Variants in UBXN2B observed in about 807,000 individuals in gnomAD.
UBXN2B encodes UBX domain protein 2B, also known as UBX domain-containing protein 2B.
A neutral mutation model predicts 37.5 loss-of-function variants in UBXN2B; 19 were observed. The observed-to-expected ratio is 0.51, with a 90% CI of 0.35 to 0.74. The LOEUF is 0.74. Ranked by LOEUF, UBXN2B falls within the 30% of genes least tolerant of loss-of-function variation. UBXN2B has a pLI of 0.01. For synonymous variants in UBXN2B, 145 were observed against 143.8 expected, an observed-to-expected ratio of 1.01 and a Z score of -0.06; for missense variants, 370 against 393.2, an observed-to-expected ratio of 0.94 and a Z score of 0.50.
rs558923134 is a variant in UBXN2B at position 58,426,347 on chromosome 8, C to G, written c.189-4172C>G. On this transcript the variant is annotated intron_variant, in intron 2 of 7. Transcript: ENST00000399598. ...TCAGCCTCCTGAGTAGCTGGGACTA[C>G]AGGTGCCTGCCACCATGCCCGGCTA... 2.4e-4 allele frequency among the ~76,000 whole-genome samples: 37 copies of G among 152,030 alleles called. 1 individual carries two copies. In the South Asian group the frequency reaches 7.3e-3, roughly 30 times the overall value.
chr8:58,447,660 A>G lies in UBXN2B; in HGVS notation c.*109A>G. On this transcript the variant is annotated 3_prime_UTR_variant, in exon 8 of 8. Coordinates refer to ENST00000399598, the MANE Select transcript of UBXN2B (RefSeq NM_001077619.2). ...CAAATTATTTTTATTATTTTTACAG[A>G]TAAATTTTGGTTTTATTGTTATTCT... 1 of 1,160,304 alleles carries G rather than the reference A, an allele frequency of 8.6e-7. No individual in the cohort carries two copies. Among genetic ancestry groups the G allele is most frequent in the Non-Finnish European group, 1.1e-6 (1 of 885,382 alleles). 71.9% of individuals were successfully genotyped at this position (1,160,304 alleles called of 1,614,324 possible). A position where few individuals can be genotyped will look rare whatever the true frequency, so the allele number is the denominator to read the frequency against.
chr8:58,426,179 C>G, intron 2 of UBXN2B: 1 of 670,922 alleles, frequency 1.5e-6, no homozygotes. Context: ...ACACAGATCA[C>G]AGTAATCACC....
chr8:58,430,016 G>T (rs1808203024), intron 2 of UBXN2B, among the ~76,000 whole-genome samples: 1 of 152,116 alleles, frequency 6.6e-6, no homozygotes, highest in Non-Finnish European at 1.5e-5. Flanking sequence ...TAAGGGAGTA[G>T]GTCTCTTAAA....
chr8:58,432,432 G>GAGTGC (rs1808307972), intron 3 of UBXN2B, among the ~76,000 whole-genome samples: 1 of 130,772 alleles, frequency 7.6e-6, no homozygotes, highest in Non-Finnish European at 1.5e-5. Context: ...GCCCAGGCTG[G>GAGTGC]AGTGCAGTGG....
chr8:58,434,443 G>A lies in UBXN2B; in HGVS notation c.472G>A (p.Gly158Arg). Residue 158 changes from glycine to arginine, a missense_variant, in exon 5 of 8, where the codon GGA becomes AGA. This residue lies in a region of UBXN2B where 90 missense variants were observed against 139.4 expected (regional missense o/e 0.65). Transcript: ENST00000399598. ...LWSNGFSLDD[G>R]ELRPYNEPTN... ...GAGCAATGGTTTCAGTTTAGATGAT[G>A]GAGAATTGAGACCTTACAATGAACC... 2 of 1,548,666 alleles carry A rather than the reference G, an allele frequency of 1.3e-6. No individual in the cohort carries two copies. Among genetic ancestry groups the A allele is most frequent in the South Asian group, 1.3e-5 (1 of 79,150 alleles).
At chr8:58,411,513 G>A in intron 1 of UBXN2B, 44 bp downstream of exon 1, 1 of 1,238,988 alleles carries the variant, frequency 8.1e-7, no homozygotes, top group Non-Finnish European at 1.0e-6. Flanking sequence ...GTGGACGCGG[G>A]CTGGTGACGG....
rs1214062565 is a variant in UBXN2B, at chr8:58,450,380, G to A, written c.*2829G>A. On this transcript the variant is annotated 3_prime_UTR_variant, in exon 8 of 8. Coordinates refer to ENST00000399598, the MANE Select transcript of UBXN2B (RefSeq NM_001077619.2). ...TTAAAAGTTCTGCTTTACACATAAC[G>A]GCAGGACACAACTCAGCTTAGCTTT... The A allele has an allele frequency of 6.6e-6, 1 of 152,082 alleles. No homozygotes were observed. The highest frequency in any genetic ancestry group is 1.5e-5 in the Non-Finnish European group (1 of 68,034). The allele number at this position is 152,082 out of a possible 1,614,324, so 9.4% of individuals were successfully genotyped here.
chr8:58,444,607 T>G (rs1693267845), intron 6 of UBXN2B, among the ~76,000 whole-genome samples: 1 of 152,228 alleles, frequency 6.6e-6, no homozygotes, highest in Admixed American at 6.5e-5. Context: ...CAGTGTCTCA[T>G]GTCTTTTCTC....
intron 2 of UBXN2B, among the ~76,000 whole-genome samples, chr8:58,419,089 C>T (rs1375085298): frequency 6.6e-6 from 1 of 152,146 alleles, no homozygotes; most frequent in Non-Finnish European, 1.5e-5. Context: ...TTTTGTGCCT[C>T]ACATTTGATT....
intron 2 of UBXN2B, chr8:58,425,881 G>T: frequency 8.6e-7 from 1 of 1,167,872 alleles, no homozygotes; most frequent in Non-Finnish European, 1.3e-6. Context: ...TAGACTTGCC[G>T]TTATTGTTCT....
chr8:58,433,100 A>G (rs967614455), intron 3 of UBXN2B, 60 bp from the exon 4 acceptor site: 11 of 1,356,882 alleles, frequency 8.1e-6, no homozygotes, highest in Admixed American at 3.6e-5. Flanking sequence ...TACATATCAC[A>G]TAATAACTTT....
At chr8:58,435,648 T>A (rs1808394397) in intron 5 of UBXN2B, among the ~76,000 whole-genome samples, 1 of 152,174 alleles carries the variant, frequency 6.6e-6, no homozygotes, top group Non-Finnish European at 1.5e-5. Context: ...AAGAACATAT[T>A]GAGAATGAAT....
chr8:58,446,465 C>T (rs949716310), intron 7 of UBXN2B, among the ~76,000 whole-genome samples: 11 of 152,096 alleles, frequency 7.2e-5, no homozygotes, highest in African/African-American at 1.9e-4. Context: ...ATAGCAAATA[C>T]TTCATAATAT....
chr8:58,439,537 T>C (rs1374569899), intron 5 of UBXN2B, 96 bp from the exon 6 acceptor site: 5 of 1,432,418 alleles, frequency 3.5e-6, no homozygotes, highest in Admixed American at 5.2e-5. Flanking sequence ...AAATTCTGTT[T>C]TCCAGTGTAG....
chr8:58,434,363 A>T lies in UBXN2B; in HGVS notation c.424-32A>T, dbSNP rs759448831. On this transcript the variant is annotated intron_variant, in intron 4 of 7. Coordinates refer to ENST00000399598, the MANE Select transcript of UBXN2B (RefSeq NM_001077619.2). The stretch of plus-strand genomic sequence containing the variant: ...TGTATATGTGAATATATATATATAT[A>T]TATATATTTTTTTTTTTTCTATACC... The T allele has an allele frequency of 1.0e-4, 59 of 584,516 alleles. 1 individual carries two copies. In the African/African-American group the frequency reaches 1.7e-3, roughly 17 times the overall value. 36.2% of individuals were successfully genotyped at this position (584,516 alleles called of 1,614,324 possible). A position where few individuals can be genotyped will look rare whatever the true frequency, so the allele number is the denominator to read the frequency against.
Position 58,432,487 on chromosome 8 carries a change from A to G in UBXN2B, c.340-673A>G, listed in dbSNP as rs768928409. 4.0e-4 allele frequency among the ~76,000 whole-genome samples: 56 copies of G among 139,834 alleles called. 1 individual carries two copies. The highest frequency in any genetic ancestry group is 7.1e-4 in the African/African-American group (26 of 36,860). 91.7% of individuals were successfully genotyped at this position (139,834 alleles called of 152,430 possible). A position where few individuals can be genotyped will look rare whatever the true frequency, so the allele number is the denominator to read the frequency against. On this transcript the variant is annotated intron_variant, in intron 3 of 7. Transcript: ENST00000399598. ...AAGCTCCGCCTCCCGGGTTCACACCATTCTCCTGCCTCAGCCTCCAGAGTA... is the reference window on the plus strand; with the variant it reads ...AAGCTCCGCCTCCCGGGTTCACACCGTTCTCCTGCCTCAGCCTCCAGAGTA...
At position 58,441,348 on chromosome 8, in the gene UBXN2B, C is replaced by CATATATATATAT. The variant is rs33952664; in HGVS notation, c.671+1587_671+1598dup. 1.3e-3 allele frequency among the ~76,000 whole-genome samples: 140 copies of CATATATATATAT among 104,652 alleles called. 7 individuals are homozygous for CATATATATATAT. The highest frequency in any genetic ancestry group is 4.6e-3 in the African/African-American group (116 of 25,012). 68.7% of individuals were successfully genotyped at this position (104,652 alleles called of 152,430 possible). Reference sequence around the variant, plus strand: ...TTTTTACTCCTCTTGTTGTGATCAACATATATATATATATATATATGTATG... The same window carrying CATATATATATAT: ...TTTTTACTCCTCTTGTTGTGATCAACATATATATATATATATATATATATATATATATGTATG... On this transcript the variant is annotated intron_variant, in intron 6 of 7. Transcript: ENST00000399598.
rs751397162 is a variant in UBXN2B, at chr8:58,434,363, A to AT, written c.424-31dup. On this transcript the variant is annotated intron_variant, in intron 4 of 7. Transcript: ENST00000399598. ...TGTATATGTGAATATATATATATAT[A>AT]TATATATTTTTTTTTTTTCTATACC... 1.3e-3 allele frequency: 780 copies of AT among 584,450 alleles called. 5 individuals are homozygous for AT. In the African/African-American group the frequency reaches 0.023, roughly 17 times the overall value. The allele number at this position is 584,450 out of a possible 1,614,324, so 36.2% of individuals were successfully genotyped here. A position where few individuals can be genotyped will look rare whatever the true frequency, so the allele number is the denominator to read the frequency against.
intron 2 of UBXN2B, among the ~76,000 whole-genome samples, chr8:58,427,462 C>G (rs1808133464): frequency 6.6e-6 from 1 of 152,084 alleles, no homozygotes; most frequent in Non-Finnish European, 1.5e-5. Context: ...TATGTTGTCT[C>G]AAAAAATATA....
Sources: gnomAD v4.1 joint callset for allele counts (sites outside exome capture counted in the v4.1 genomes callset) on GRCh38, gnomAD v4.1.1 for gene constraint, gnomAD v4.1.1 regional missense constraint, MANE v1.5 for transcripts, NCBI Gene and HGNC (gene_info 2026-07-23, HGNC 2026-07-21) for gene names.